Variants in GADL1 observed in about 807,000 individuals in gnomAD.
The protein encoded by GADL1 is acidic amino acid decarboxylase GADL1.
In GADL1, 71 loss-of-function variants were observed where a neutral mutation model predicts 69.5. That is an observed-to-expected ratio of 1.02 (90% CI 0.84 to 1.25). GADL1 has a LOEUF of 1.25. Among genes scored for constraint, GADL1 ranks in the 50% most tolerant of loss-of-function variants. The pLI is 0.00. For missense variants in GADL1, 737 were observed against 631.8 expected (o/e 1.17, Z -1.79); for synonymous variants, 254 against 214.4 (o/e 1.18, Z -1.62).
intron 9 of GADL1, among the ~76,000 whole-genome samples, chr3:30,834,624 A>G (rs1328152617): frequency 6.6e-6 from 1 of 152,066 alleles, no homozygotes; most frequent in African/African-American, 2.4e-5. Context: ...CAATGCTAAC[A>G]TTTTGCTATT....
chr3:30,834,341 G>A, intron 9 of GADL1, 60 bp from the exon 10 acceptor site: 1 of 1,419,486 alleles, frequency 7.0e-7, no homozygotes, highest in South Asian at 1.2e-5. Flanking sequence ...TTTACCAGTG[G>A]GTTGTCATAG....
Position 30,814,797 on chromosome 3 carries a change from C to A in GADL1, c.1051-13709G>T, listed in dbSNP as rs977770758. Reference sequence around the variant, plus strand: ...TGGCCAAGATAGTGAAATCCTGCCTCTACTAAAAATATAAAAATTAGCTGG... The same window carrying A: ...TGGCCAAGATAGTGAAATCCTGCCTATACTAAAAATATAAAAATTAGCTGG... On this transcript the variant is annotated intron_variant, in intron 11 of 14. Coordinates refer to ENST00000282538, the MANE Select transcript of GADL1 (RefSeq NM_207359.3). Among the ~76,000 whole-genome samples the A allele has an allele frequency of 1.3e-5, 2 of 152,028 alleles. 1 individual carries two copies.
chr3:30,772,727 TTA>T (rs1696443560), intron 14 of GADL1, among the ~76,000 whole-genome samples: 1 of 151,964 alleles, frequency 6.6e-6, no homozygotes, highest in Non-Finnish European at 1.5e-5. Flanking sequence ...ATACAAAACA[TTA>T]TCAGGGCATA....
intron 14 of GADL1, among the ~76,000 whole-genome samples, chr3:30,755,275 C>A (rs1020487435): frequency 5.3e-5 from 7 of 131,370 alleles, no homozygotes; most frequent in Non-Finnish European, 8.3e-5. Flanking sequence ...ATGGTGAAAC[C>A]ATCAGCTTGA....
At chr3:30,861,458 T>G (rs1007108419) in intron 2 of GADL1, 135 bp downstream of exon 2, 1 of 647,326 alleles carries the variant, frequency 1.5e-6, no homozygotes, top group Non-Finnish European at 2.6e-6. Flanking sequence ...CTTTTATATC[T>G]GGACATCCTT....
chr3:30,794,964 C>T (rs187846398), intron 12 of GADL1, among the ~76,000 whole-genome samples: 1 of 152,214 alleles, frequency 6.6e-6, no homozygotes, highest in East Asian at 1.9e-4. Context: ...AAAAGAGTTG[C>T]ACAGCTTTTC....
At chr3:30,769,874 G>A (rs1696378191) in intron 14 of GADL1, among the ~76,000 whole-genome samples, 1 of 62,970 alleles carries the variant, frequency 1.6e-5, no homozygotes, top group South Asian at 5.7e-4. Flanking sequence ...AAGATGAAGG[G>A]ACAAACTCTC....
At chr3:30,885,525 T>G (rs1157896558) in intron 1 of GADL1, among the ~76,000 whole-genome samples, 1 of 151,994 alleles carries the variant, frequency 6.6e-6, no homozygotes, top group Admixed American at 6.6e-5. Context: ...CAATACAAAC[T>G]CATTACAGAA....
intron 14 of GADL1, among the ~76,000 whole-genome samples, chr3:30,740,198 T>TA (rs977736407): frequency 1.3e-5 from 2 of 152,204 alleles, no homozygotes; most frequent in Non-Finnish European, 2.9e-5. Flanking sequence ...GAGTTCTACG[T>TA]AAGAGTTTGC....
At chr3:30,887,717 T>C (rs558152732) in intron 1 of GADL1, among the ~76,000 whole-genome samples, 2 of 152,306 alleles carry the variant, frequency 1.3e-5, no homozygotes, top group African/African-American at 4.8e-5. Flanking sequence ...GATTGTCAAT[T>C]TTACAAGCTG....
chr3:30,748,354 T>C (rs1224509288), intron 14 of GADL1, among the ~76,000 whole-genome samples: 1 of 152,224 alleles, frequency 6.6e-6, no homozygotes, highest in Non-Finnish European at 1.5e-5. Context: ...GAATGACCAG[T>C]GTGTACTCCA....
chr3:30,756,566 ACAG>A (rs1335652091), intron 14 of GADL1, among the ~76,000 whole-genome samples: 1 of 151,836 alleles, frequency 6.6e-6, no homozygotes, highest in Non-Finnish European at 1.5e-5. Flanking sequence ...TTCATAGAAA[ACAG>A]CAGAAGTAAT....
chr3:30,770,324 A>T (rs1291640253), intron 14 of GADL1, among the ~76,000 whole-genome samples: 2 of 152,228 alleles, frequency 1.3e-5, no homozygotes, highest in African/African-American at 4.8e-5. Flanking sequence ...ACTCTGATAT[A>T]CTTGGGAATT....
intron 14 of GADL1, among the ~76,000 whole-genome samples, chr3:30,732,269 G>A (rs910335331): frequency 1.1e-4 from 17 of 152,132 alleles, no homozygotes; most frequent in African/African-American, 4.1e-4. Flanking sequence ...AATGGGGCGC[G>A]CATAGAGGAA....
At chr3:30,826,300 A>G (rs535280401) in intron 11 of GADL1, among the ~76,000 whole-genome samples, 11 of 151,910 alleles carry the variant, frequency 7.2e-5, no homozygotes, top group African/African-American at 2.7e-4. Flanking sequence ...AGAATTTCAT[A>G]TTTTTCTTTC....
chr3:30,769,420 C>T (rs9844695), intron 14 of GADL1, among the ~76,000 whole-genome samples: 33,600 of 152,012 alleles, frequency 0.22, 6,740 homozygotes, highest in African/African-American at 0.54. Flanking sequence ...CCTTAGGTTA[C>T]GCAAAGAGGG....
At position 30,846,476 on chromosome 3, in the gene GADL1, T is replaced by G. The variant is rs149403400; in HGVS notation, c.652-2010A>C. Among the ~76,000 whole-genome samples the G allele has an allele frequency of 4.2e-3, 642 of 152,272 alleles. 5 individuals are homozygous for G. The highest frequency in any genetic ancestry group is 0.014 in the African/African-American group (595 of 41,552). Reference sequence around the variant, plus strand: ...CAATGAACTGCTGCTTTCTCCTCAATGTACACTGTGCCCTGGACACCTGGA... The same window carrying G: ...CAATGAACTGCTGCTTTCTCCTCAAGGTACACTGTGCCCTGGACACCTGGA... On this transcript the variant is annotated intron_variant, in intron 6 of 14. Transcript: ENST00000282538.
chr3:30,728,289 T>G lies in GADL1; in HGVS notation c.1519A>C (p.Met507Leu), dbSNP rs1695399599. Reference sequence around the variant, plus strand: ...TCTATCTCATCCAGGAGGAAGTCCATGTCCTCCCGGCTCACTTGAGGGCTG... The same window carrying G: ...TCTATCTCATCCAGGAGGAAGTCCAGGTCCTCCCGGCTCACTTGAGGGCTG... ...VISPQVSRED[M>L]DFLLDEIDLL... Residue 507 changes from methionine to leucine, a missense_variant, in exon 15 of 15, where the codon ATG becomes CTG. Transcript: ENST00000282538. The G allele has an allele frequency of 6.2e-7, 1 of 1,613,868 alleles. No homozygotes were observed. Among genetic ancestry groups the G allele is most frequent in the Non-Finnish European group, 8.5e-7 (1 of 1,179,792 alleles).
intron 14 of GADL1, among the ~76,000 whole-genome samples, chr3:30,758,339 ATTC>A (rs1245225917): frequency 2.6e-5 from 4 of 152,156 alleles, no homozygotes; most frequent in Non-Finnish European, 4.4e-5. Flanking sequence ...TCTCTGGGCT[ATTC>A]TTTGCAGCCT....
Sources: gnomAD v4.1 joint callset for allele counts (sites outside exome capture counted in the v4.1 genomes callset) on GRCh38, gnomAD v4.1.1 for gene constraint, MANE v1.5 for transcripts, NCBI Gene and HGNC (gene_info 2026-07-23, HGNC 2026-07-21) for gene names.